HMCN1: variants seen among roughly 807,000 people sequenced by gnomAD.
HMCN1 encodes hemicentin-1.
HMCN1 carries 321 observed loss-of-function variants against 625.9 expected under a neutral mutation model. The ratio of observed to expected loss-of-function variants is 0.51; its 90% CI spans 0.47 to 0.56. The LOEUF is 0.56. Ranked by LOEUF, HMCN1 falls within the 20% of genes least tolerant of loss-of-function variation. HMCN1 has a pLI of 0.00. For synonymous variants in HMCN1, 2,425 were observed against 2,417.6 expected (o/e 1.00, Z -0.09); for missense variants, 6,588 against 6,887.3 (o/e 0.96, Z 1.54).
chr1:186,131,922 G>C (rs1240733429), intron 85 of HMCN1, among the ~76,000 whole-genome samples: 1 of 152,082 alleles, frequency 6.6e-6, no homozygotes, highest in Non-Finnish European at 1.5e-5. Context: ...CATTAGAAAG[G>C]ACTCAGTATT....
chr1:186,141,581 TAC>T (rs1270601496), intron 89 of HMCN1, among the ~76,000 whole-genome samples: 1 of 152,174 alleles, frequency 6.6e-6, no homozygotes, highest in Non-Finnish European at 1.5e-5. Flanking sequence ...CATATATAGC[TAC>T]AGATTAAAGA....
intron 4 of HMCN1, among the ~76,000 whole-genome samples, chr1:185,878,268 T>C (rs1664080893): frequency 6.6e-6 from 1 of 152,184 alleles, no homozygotes; most frequent in Non-Finnish European, 1.5e-5. Flanking sequence ...GGCTAGGACT[T>C]TCAGTACTAT....
At chr1:186,151,578 C>T in intron 94 of HMCN1, 28 bp from the exon 95 acceptor site, 1 of 1,601,830 alleles carries the variant, frequency 6.2e-7, no homozygotes, top group Non-Finnish European at 8.5e-7. Context: ...ATTTTGCTAT[C>T]ACCTTATTTA....
At chr1:185,755,730 G>A (rs919075224) in intron 1 of HMCN1, among the ~76,000 whole-genome samples, 1 of 152,210 alleles carries the variant, frequency 6.6e-6, no homozygotes, top group African/African-American at 2.4e-5. Context: ...CCTGATGAGA[G>A]TGAGAAGGGA....
intron 58 of HMCN1, among the ~76,000 whole-genome samples, chr1:186,086,859 G>A (rs1009766667): frequency 6.7e-6 from 1 of 148,974 alleles, no homozygotes; most frequent in Non-Finnish European, 1.5e-5. Flanking sequence ...TAGATAGATA[G>A]ATAGATAGAT....
intron 11 of HMCN1, among the ~76,000 whole-genome samples, chr1:185,935,322 C>G (rs1214975506): frequency 2.0e-5 from 3 of 152,100 alleles, no homozygotes; most frequent in African/African-American, 7.2e-5. Context: ...TTTAAAAATG[C>G]AGATTTCTAA....
intron 16 of HMCN1, chr1:185,978,205 A>C: frequency 2.1e-6 from 1 of 476,656 alleles, no homozygotes; most frequent in Non-Finnish European, 3.7e-6. Flanking sequence ...ATAAGGGCTT[A>C]TGAAACAATA....
At chr1:186,032,251 G>T (rs1362098046) in intron 36 of HMCN1, among the ~76,000 whole-genome samples, 1 of 151,952 alleles carries the variant, frequency 6.6e-6, no homozygotes, top group Non-Finnish European at 1.5e-5. Flanking sequence ...AGTGGGCAAA[G>T]GATGTGAATA....
intron 15 of HMCN1, among the ~76,000 whole-genome samples, chr1:185,972,427 AAC>A (rs1428275524): frequency 6.6e-6 from 1 of 152,168 alleles, no homozygotes; most frequent in Non-Finnish European, 1.5e-5. Context: ...GAAACAACCT[AAC>A]AAATGTTTCG....
chr1:185,981,065 C>T lies in HMCN1; in HGVS notation c.2654C>T (p.Thr885Ile), dbSNP rs1429666269. 6.3e-7 allele frequency: 1 copy of T among 1,596,194 alleles called. No individual in the cohort carries two copies. The highest frequency in any genetic ancestry group is 2.2e-5 in the East Asian group (1 of 44,758). The part of the protein sequence containing the change: ...KIQSETTVTV[T>I]GLVAPLIGIS... ...CAGTCAGAGACAACAGTAACAGTGA[C>T]CGGACTTGGTAAGATCAATTGAATG... The change falls in exon 17 of 107, where the codon ACC (threonine) becomes ATC (isoleucine). Residue 885 changes from threonine (T) to isoleucine (I), a missense_variant. Around this residue, in one of 3 missense-constraint regions of HMCN1, gnomAD observed 4,628 missense variants for 4,853.1 expected, o/e 0.95. Coordinates refer to ENST00000271588, the MANE Select transcript of HMCN1 (RefSeq NM_031935.3).
chr1:185,835,198 T>C (rs73054405), intron 1 of HMCN1, among the ~76,000 whole-genome samples: 4,650 of 152,264 alleles, frequency 0.031, 255 homozygotes, highest in African/African-American at 0.11. Flanking sequence ...AAGAATGTGC[T>C]TCAGAGTGAA....
At chr1:186,119,347 T>C (rs780074632) in intron 78 of HMCN1, 49 bp downstream of exon 78, 2 of 1,316,698 alleles carry the variant, frequency 1.5e-6, no homozygotes, top group Non-Finnish European at 2.2e-6. Context: ...TTGGGGAGGT[T>C]TTTTAGTCAT....
At chr1:186,001,259 T>C (rs775678441) in intron 26 of HMCN1, 39 bp from the exon 27 acceptor site, 7 of 1,568,354 alleles carry the variant, frequency 4.5e-6, no homozygotes. Flanking sequence ...ATAATATTTA[T>C]TATGAAACTA....
At chr1:185,784,205 C>T (rs907027919) in intron 1 of HMCN1, among the ~76,000 whole-genome samples, 27 of 152,298 alleles carry the variant, frequency 1.8e-4, no homozygotes, top group African/African-American at 5.1e-4. Context: ...ATTGGAAAAG[C>T]GCAGTATTAG....
At chr1:185,793,133 A>G (rs888019469) in intron 1 of HMCN1, among the ~76,000 whole-genome samples, 1 of 152,232 alleles carries the variant, frequency 6.6e-6, no homozygotes, top group Admixed American at 6.5e-5. Flanking sequence ...AGTTCTTGAC[A>G]TAGTGGTACT....
chr1:186,136,267 T>C (rs1649599365), intron 86 of HMCN1, among the ~76,000 whole-genome samples: 1 of 151,998 alleles, frequency 6.6e-6, no homozygotes, highest in Admixed American at 6.6e-5. Flanking sequence ...ACAAAAATAA[T>C]AGTAACTAAG....
At chr1:186,043,081 A>G (rs954004124) in intron 40 of HMCN1, among the ~76,000 whole-genome samples, 2 of 152,098 alleles carry the variant, frequency 1.3e-5, no homozygotes, top group African/African-American at 4.8e-5. Context: ...TTTAAACTTA[A>G]GCTCAGACAA....
At position 186,003,399 on chromosome 1, in the gene HMCN1, A is replaced by G. The variant is rs548329998; in HGVS notation, c.4349-319A>G. On this transcript the variant is annotated intron_variant, in intron 28 of 106. Coordinates refer to ENST00000271588, the MANE Select transcript of HMCN1 (RefSeq NM_031935.3). ...TTATCCAAAATGTATAGCAGTAGCA[A>G]ATTACATTTGCATCACTGATCACTT... is the stretch of plus-strand genomic sequence containing the variant. Among the ~76,000 whole-genome samples, 91 of 152,260 alleles carry G rather than the reference A, an allele frequency of 6.0e-4. 1 individual carries two copies. Among genetic ancestry groups the G allele is most frequent in the Non-Finnish European group, 1.0e-3 (71 of 68,000 alleles).
At chr1:185,942,051 C>A (rs932429857) in intron 11 of HMCN1, among the ~76,000 whole-genome samples, 3 of 151,506 alleles carry the variant, frequency 2.0e-5, no homozygotes, top group African/African-American at 7.3e-5. Flanking sequence ...ATTAGCCAGG[C>A]GTGGTGGCAC....
Sources: gnomAD v4.1 joint callset for allele counts (sites outside exome capture counted in the v4.1 genomes callset) on GRCh38, gnomAD v4.1.1 for gene constraint, gnomAD v4.1.1 regional missense constraint, MANE v1.5 for transcripts, NCBI Gene and HGNC (gene_info 2026-07-23, HGNC 2026-07-21) for gene names.